Variants in TMEM17 observed in about 807,000 individuals in gnomAD.
TMEM17 encodes the protein transmembrane protein 17.
TMEM17 carries 15 observed loss-of-function variants against 19.1 expected under a neutral mutation model. The ratio of observed to expected loss-of-function variants is 0.78; its 90% CI spans 0.52 to 1.21. The LOEUF is 1.21. Ranked by LOEUF, TMEM17 falls within the 50% of genes most tolerant of loss-of-function variation. The pLI, the probability that TMEM17 is intolerant of heterozygous loss-of-function variation, is 0.00. For synonymous variants in TMEM17, 103 were observed against 86.9 expected (o/e 1.19, Z -1.03); for missense variants, 245 against 242.3 (o/e 1.01, Z -0.07).
chr2:62,496,129 C>T (rs899451715), downstream of TMEM17, among the ~76,000 whole-genome samples: 1 of 151,966 alleles, frequency 6.6e-6, no homozygotes, highest in African/African-American at 2.4e-5. Context: ...GGTAACTACT[C>T]AGAAATACAA....
Position 62,502,525 on chromosome 2 carries a change from T to G in TMEM17, c.230A>C (p.Lys77Thr). 2 of 1,611,218 alleles carry G rather than the reference T, an allele frequency of 1.2e-6. No individual in the cohort carries two copies. The highest frequency in any genetic ancestry group is 1.7e-6 in the Non-Finnish European group (2 of 1,178,112). ...GATGATAACAGTGATCACAATGAAT[T>G]TGTAGTAGTCAGGTAAGATTGAATA... ...MKYSILPDYY[K>T]FIVITVIILI... The change falls in exon 3 of 4, where the codon AAA becomes ACA. Residue 77 changes from lysine to threonine, a missense_variant. Lys to Thr is a moderately conservative substitution (Grantham distance 78). Transcript: ENST00000335390.
chr2:62,464,629 A>G, the TMEM17 span, among the ~76,000 whole-genome samples: 1 of 152,242 alleles, frequency 6.6e-6, no homozygotes, highest in Non-Finnish European at 1.5e-5. Context: ...TTATCAAGAC[A>G]GGGAAATTGC....
At chr2:62,488,792 CTTTTTTTTTTT>C in the TMEM17 span, among the ~76,000 whole-genome samples, 1 of 119,024 alleles carries the variant, frequency 8.4e-6, no homozygotes, top group East Asian at 2.3e-4. Flanking sequence ...TTTTATTCTA[CTTTTTTTTTTT>C]TTTTTTTTTT....
At chr2:62,461,749 G>A in the TMEM17 span, among the ~76,000 whole-genome samples, 1 of 152,186 alleles carries the variant, frequency 6.6e-6, no homozygotes, top group Non-Finnish European at 1.5e-5. Context: ...CTGTCCCGGT[G>A]ATTCAGACTG....
chr2:62,477,863 T>C, the TMEM17 span, among the ~76,000 whole-genome samples: 2 of 152,206 alleles, frequency 1.3e-5, no homozygotes, highest in Non-Finnish European at 2.9e-5. Context: ...TGCTGTCTCC[T>C]ACCTTGAGGG....
At chr2:62,463,641 T>C in the TMEM17 span, among the ~76,000 whole-genome samples, 708 of 152,288 alleles carry the variant, frequency 4.6e-3, 22 homozygotes, top group East Asian at 6.6e-3. Flanking sequence ...AGGTACCTGC[T>C]AGTGATAGGG....
At chr2:62,494,829 C>T in the TMEM17 span, among the ~76,000 whole-genome samples, 2 of 151,976 alleles carry the variant, frequency 1.3e-5, no homozygotes, top group Non-Finnish European at 2.9e-5. Flanking sequence ...CAGTGAAACC[C>T]CGTCTCTACT....
the TMEM17 span, among the ~76,000 whole-genome samples, chr2:62,456,775 A>G: frequency 6.6e-6 from 1 of 152,214 alleles, no homozygotes; most frequent in African/African-American, 2.4e-5. Context: ...AGAGCCAGTC[A>G]TGCTAGAGAC....
At chr2:62,457,498 G>A in the TMEM17 span, among the ~76,000 whole-genome samples, 2 of 152,166 alleles carry the variant, frequency 1.3e-5, no homozygotes, top group African/African-American at 2.4e-5. This position sits in a 1 kb window ranked among gnomAD's most constrained non-coding sequence, Gnocchi z 4.2. Flanking sequence ...TTTGTGCACC[G>A]AAAGCTCTGA....
chr2:62,476,889 C>T, the TMEM17 span, among the ~76,000 whole-genome samples: 2 of 152,184 alleles, frequency 1.3e-5, no homozygotes, highest in Non-Finnish European at 2.9e-5. Flanking sequence ...ATTGGGGTTA[C>T]AGAAGAATGT....
At chr2:62,480,126 C>T in the TMEM17 span, among the ~76,000 whole-genome samples, 1 of 151,998 alleles carries the variant, frequency 6.6e-6, no homozygotes, top group African/African-American at 2.4e-5. Flanking sequence ...GATGATATCT[C>T]ATTGTGGTTT....
At chr2:62,465,857 A>G in the TMEM17 span, among the ~76,000 whole-genome samples, 7 of 152,186 alleles carry the variant, frequency 4.6e-5, no homozygotes, top group African/African-American at 1.4e-4. Flanking sequence ...CAGTACGTTT[A>G]GGTGGGTAGG....
At chr2:62,496,527 G>A (rs1679782359), downstream of TMEM17, among the ~76,000 whole-genome samples, 1 of 152,158 alleles carries the variant, frequency 6.6e-6, no homozygotes. Flanking sequence ...TACTTTTAAT[G>A]TTTTCAGAAA....
the TMEM17 span, among the ~76,000 whole-genome samples, chr2:62,490,342 C>A: frequency 6.6e-6 from 1 of 152,126 alleles, no homozygotes; most frequent in East Asian, 1.9e-4. Context: ...TGGCTGACCG[C>A]AGCCTCAACC....
chr2:62,463,269 C>T, the TMEM17 span: 1 of 152,184 alleles, frequency 6.6e-6, no homozygotes, highest in Non-Finnish European at 1.5e-5. Context: ...GGGTCAGAGG[C>T]TTTGGTGCCT....
chr2:62,502,170 GT>G (rs1231205455), intron 3 of TMEM17: 1 of 211,316 alleles, frequency 4.7e-6, no homozygotes, highest in African/African-American at 2.3e-5. Context: ...AATTTTAAGT[GT>G]TTACTACATT....
chr2:62,466,041 G>T, the TMEM17 span, among the ~76,000 whole-genome samples: 1 of 152,188 alleles, frequency 6.6e-6, no homozygotes, highest in Non-Finnish European at 1.5e-5. Flanking sequence ...AACTCAAGAA[G>T]TTCCTGCCTT....
the TMEM17 span, among the ~76,000 whole-genome samples, chr2:62,460,784 C>T: frequency 6.6e-6 from 1 of 152,174 alleles, no homozygotes; most frequent in Non-Finnish European, 1.5e-5. Context: ...TGTCTCCAGA[C>T]AAAACCTTTT....
chr2:62,493,230 G>A, the TMEM17 span, among the ~76,000 whole-genome samples: 1 of 151,780 alleles, frequency 6.6e-6, no homozygotes, highest in Non-Finnish European at 1.5e-5. Flanking sequence ...GCATCACTAT[G>A]TTGCCCAGGC....
Sources: allele counts gnomAD v4.1 joint callset (sites outside exome capture counted in the v4.1 genomes callset), GRCh38; gene constraint gnomAD v4.1.1; non-coding constraint Gnocchi (gnomAD v3.1); transcripts MANE v1.5; gene names NCBI Gene and HGNC (gene_info 2026-07-23, HGNC 2026-07-21).